The following SETBP1 variants were observed in gnomAD, a reference collection of about 807,000 sequenced individuals.
SETBP1 encodes SET-binding protein.
A neutral mutation model predicts 101.0 loss-of-function variants in SETBP1; 9 were observed. The observed-to-expected ratio is 0.09, with a 90% confidence interval of 0.05 to 0.16. The LOEUF is 0.16. SETBP1 is among the 10% of genes least tolerant of loss of function. SETBP1 has a pLI of 1.00. For synonymous variants in SETBP1, 818 were observed against 788.5 expected, an observed-to-expected ratio of 1.04 and a Z score of -0.63; for missense variants, 1,858 against 2,033.8, an observed-to-expected ratio of 0.91 and a Z score of 1.66.
At chr18:44,746,009 C>G (rs1038292101) in intron 2 of SETBP1, among the ~76,000 whole-genome samples, 3 of 152,072 alleles carry the variant, frequency 2.0e-5, no homozygotes, top group Admixed American at 2.0e-4. Context: ...TGAATTGGGG[C>G]AGGGAGATGT....
intron 1 of SETBP1, among the ~76,000 whole-genome samples, chr18:44,691,031 C>T (rs1470867811): frequency 2.6e-5 from 4 of 152,082 alleles, no homozygotes; most frequent in South Asian, 4.1e-4. Context: ...GTTTAAGTGA[C>T]GTGGCAATTC....
intron 2 of SETBP1, among the ~76,000 whole-genome samples, chr18:44,851,864 G>A (rs2072874251): frequency 6.6e-6 from 1 of 152,176 alleles, no homozygotes; most frequent in African/African-American, 2.4e-5. Flanking sequence ...AGGTTGCTAA[G>A]CCTCACACCG....
intron 4 of SETBP1, among the ~76,000 whole-genome samples, chr18:44,990,515 T>C (rs1194651688): frequency 6.6e-6 from 1 of 151,580 alleles, no homozygotes; most frequent in African/African-American, 2.4e-5. Flanking sequence ...TTGCTGGAGC[T>C]CAGAATTTCA....
intron 2 of SETBP1, among the ~76,000 whole-genome samples, chr18:44,711,893 T>A (rs2069356310): frequency 6.6e-6 from 1 of 152,114 alleles, no homozygotes; most frequent in African/African-American, 2.4e-5. Context: ...GATCTCGCCC[T>A]ATGAAGGCAA....
Position 45,037,145 on chromosome 18 carries a change from T to G in SETBP1, c.4001-1340T>G, listed in dbSNP as rs138325730. ...AGAAAAAATGAGTCAAGAACCAATA[T>G]GGTAAGGCCCAATTTGTTGTTGCTG... On this transcript the variant is annotated intron_variant, in intron 4 of 5. Transcript: ENST00000649279. Among the ~76,000 whole-genome samples the G allele has an allele frequency of 1.9e-3, 292 of 152,266 alleles. 1 individual carries two copies. The highest frequency in any genetic ancestry group is 3.0e-3 in the Non-Finnish European group (201 of 68,006).
chr18:45,012,405 G>A (rs2072857698), intron 4 of SETBP1, among the ~76,000 whole-genome samples: 1 of 152,084 alleles, frequency 6.6e-6, no homozygotes, highest in African/African-American at 2.4e-5. Flanking sequence ...CCAGTTGTCT[G>A]GTACCTTGCC....
At chr18:44,760,228 C>T (rs1352916235) in intron 2 of SETBP1, among the ~76,000 whole-genome samples, 1 of 152,150 alleles carries the variant, frequency 6.6e-6, no homozygotes, top group Non-Finnish European at 1.5e-5. Flanking sequence ...TCACTACTTC[C>T]TTGTTGAGAT....
At chr18:44,984,891 A>G (rs1489513832) in intron 4 of SETBP1, among the ~76,000 whole-genome samples, 1 of 152,208 alleles carries the variant, frequency 6.6e-6, no homozygotes, top group Non-Finnish European at 1.5e-5. Flanking sequence ...CTGTAATCTC[A>G]GCACTTTGGG....
intron 3 of SETBP1, among the ~76,000 whole-genome samples, chr18:44,912,672 C>T (rs957612319): frequency 6.6e-6 from 1 of 152,128 alleles, no homozygotes; most frequent in Admixed American, 6.5e-5. Flanking sequence ...CCACCTCAGC[C>T]TCCTAAAGTG....
At chr18:45,038,782 A>G (rs562091209) in intron 5 of SETBP1, 127 bp downstream of exon 5, 3 of 956,210 alleles carry the variant, frequency 3.1e-6, no homozygotes, top group Admixed American at 2.1e-5. Context: ...GACTCTGAAC[A>G]TGGGAGCCGT....
chr18:44,946,199 T>C (rs1177884399), intron 3 of SETBP1, among the ~76,000 whole-genome samples: 1 of 152,160 alleles, frequency 6.6e-6, no homozygotes, highest in Non-Finnish European at 1.5e-5. Context: ...CCTGATCCTT[T>C]GTTGTGCTTC....
intron 2 of SETBP1, among the ~76,000 whole-genome samples, chr18:44,849,082 G>A (rs1223759632): frequency 1.3e-5 from 2 of 152,162 alleles, no homozygotes; most frequent in Non-Finnish European, 1.5e-5. Flanking sequence ...AAAGGCTGTG[G>A]GGATGCAACA....
chr18:44,946,109 G>T (rs1007848494), intron 3 of SETBP1, among the ~76,000 whole-genome samples: 1 of 152,230 alleles, frequency 6.6e-6, no homozygotes, highest in African/African-American at 2.4e-5. Context: ...CTCTTAGAAA[G>T]CACTCCTTCT....
intron 2 of SETBP1, among the ~76,000 whole-genome samples, chr18:44,750,547 G>T (rs990241279): frequency 6.6e-6 from 1 of 152,080 alleles, no homozygotes; most frequent in African/African-American, 2.4e-5. Flanking sequence ...AATTAGATTT[G>T]GGTTCTGGAA....
chr18:44,803,691 T>A (rs1374428997), intron 2 of SETBP1, among the ~76,000 whole-genome samples: 3 of 152,194 alleles, frequency 2.0e-5, no homozygotes, highest in African/African-American at 7.2e-5. Flanking sequence ...ATTTATCTTT[T>A]CTCTCTGTAT....
At chr18:44,881,964 CA>C (rs2069539717) in intron 3 of SETBP1, among the ~76,000 whole-genome samples, 1 of 152,178 alleles carries the variant, frequency 6.6e-6, no homozygotes, top group South Asian at 2.1e-4. Flanking sequence ...AACCATTAAG[CA>C]GCAATAACAA....
At chr18:44,989,489 C>T (rs1458995260) in intron 4 of SETBP1, among the ~76,000 whole-genome samples, 1 of 151,660 alleles carries the variant, frequency 6.6e-6, no homozygotes, top group Non-Finnish European at 1.5e-5. Context: ...TATTGACGCT[C>T]CAGAAAAGAG....
intron 2 of SETBP1, among the ~76,000 whole-genome samples, chr18:44,746,264 G>A (rs1003213478): frequency 2.0e-5 from 3 of 152,208 alleles, no homozygotes; most frequent in South Asian, 2.1e-4. Context: ...AGAGAAAGGA[G>A]TGGATCTGTA....
At chr18:44,789,552 G>A (rs185227200) in intron 2 of SETBP1, among the ~76,000 whole-genome samples, 1 of 152,184 alleles carries the variant, frequency 6.6e-6, no homozygotes, top group East Asian at 1.9e-4. Context: ...TTTCCAGGCT[G>A]TGTCCATTTA....
Sources: gnomAD v4.1 joint callset for allele counts (sites outside exome capture counted in the v4.1 genomes callset) on GRCh38, gnomAD v4.1.1 for gene constraint, MANE v1.5 for transcripts, NCBI Gene and HGNC (gene_info 2026-07-23, HGNC 2026-07-21) for gene names.